CDH13: variants seen among roughly 807,000 people sequenced by gnomAD.
CDH13 encodes cadherin-13.
In CDH13, 24 loss-of-function variants were observed where a neutral mutation model predicts 63.8. That is an observed-to-expected ratio of 0.38 (90% CI 0.27 to 0.53). CDH13 has a LOEUF of 0.53. Ranked by LOEUF, CDH13 falls within the 20% of genes least tolerant of loss-of-function variation. The probability of loss-of-function intolerance (pLI) is 0.85; values close to 1 mark genes in which losing one functional copy is unlikely to be tolerated. For missense variants in CDH13, 1,049 were observed against 903.1 expected (o/e 1.16, Z -2.07); for synonymous variants, 503 against 355.3 (o/e 1.42, Z -4.67).
intron 10 of CDH13, among the ~76,000 whole-genome samples, chr16:83,709,771 T>A (rs1444450809): frequency 6.6e-6 from 1 of 152,250 alleles, no homozygotes; most frequent in South Asian, 2.1e-4. Context: ...TCATCCTGTG[T>A]AATAGGGTCT....
At chr16:82,710,865 C>G (rs2031885709) in intron 1 of CDH13, among the ~76,000 whole-genome samples, 1 of 150,730 alleles carries the variant, frequency 6.6e-6, no homozygotes, top group Admixed American at 6.6e-5. Context: ...ATTTCAGAAT[C>G]AAACAGCCCA....
At chr16:83,187,813 T>G (rs2038572782) in intron 4 of CDH13, among the ~76,000 whole-genome samples, 1 of 152,034 alleles carries the variant, frequency 6.6e-6, no homozygotes, top group African/African-American at 2.4e-5. Flanking sequence ...GTTGCTATGA[T>G]AGGTCCTGAT....
intron 5 of CDH13, among the ~76,000 whole-genome samples, chr16:83,273,293 T>G (rs1337389900): frequency 1.3e-5 from 2 of 152,144 alleles, no homozygotes; most frequent in Non-Finnish European, 2.9e-5. Context: ...GTACTAAGCA[T>G]AATACCCAAT....
At chr16:83,340,564 C>T (rs1263268053) in intron 5 of CDH13, among the ~76,000 whole-genome samples, 2 of 152,184 alleles carry the variant, frequency 1.3e-5, no homozygotes, top group African/African-American at 4.8e-5. Context: ...CTCAGTACAA[C>T]ATCACTCAAA....
chr16:83,405,871 T>C (rs1399575401), intron 6 of CDH13, among the ~76,000 whole-genome samples: 1 of 98,702 alleles, frequency 1.0e-5, no homozygotes, highest in East Asian at 6.1e-4. Flanking sequence ...GGAGGAAATA[T>C]AGCTGCTTAG....
At chr16:83,747,172 G>T (rs1193760019) in intron 10 of CDH13, among the ~76,000 whole-genome samples, 1 of 152,164 alleles carries the variant, frequency 6.6e-6, no homozygotes, top group African/African-American at 2.4e-5. Context: ...TTGCCCTCGC[G>T]TAACCTACAT....
At chr16:83,206,155 C>T (rs1409952665) in intron 4 of CDH13, among the ~76,000 whole-genome samples, 4 of 152,230 alleles carry the variant, frequency 2.6e-5, no homozygotes, top group Admixed American at 1.3e-4. Flanking sequence ...GGAGGACTTT[C>T]GGCAGCTTTT....
intron 2 of CDH13, among the ~76,000 whole-genome samples, chr16:82,942,855 GT>G (rs1412113355): frequency 6.6e-6 from 1 of 152,176 alleles, no homozygotes; most frequent in East Asian, 1.9e-4. Context: ...TGCATTGCCT[GT>G]AGGTACAAAT....
intron 7 of CDH13, among the ~76,000 whole-genome samples, chr16:83,588,751 C>T (rs940236429): frequency 2.6e-5 from 4 of 152,230 alleles, no homozygotes; most frequent in African/African-American, 9.6e-5. Context: ...GTTGACATCA[C>T]ACTTCAAAGG....
chr16:83,384,906 G>A (rs764568461), intron 6 of CDH13, among the ~76,000 whole-genome samples: 1 of 152,180 alleles, frequency 6.6e-6, no homozygotes, highest in African/African-American at 2.4e-5. Flanking sequence ...CAACTTCTAG[G>A]AAAGTATTTT....
chr16:83,418,117 C>A (rs908286460), intron 6 of CDH13, among the ~76,000 whole-genome samples: 1 of 152,130 alleles, frequency 6.6e-6, no homozygotes, highest in South Asian at 2.1e-4. Flanking sequence ...TGTTCAAATG[C>A]TGATTTTGCT....
chr16:83,155,603 G>A (rs755023619), intron 4 of CDH13, among the ~76,000 whole-genome samples: 19 of 152,092 alleles, frequency 1.2e-4, no homozygotes, highest in Non-Finnish European at 2.5e-4. Context: ...TGCATGTTAG[G>A]CAACTCTAGT....
At chr16:82,995,708 C>T (rs76945488) in intron 2 of CDH13, among the ~76,000 whole-genome samples, 2,911 of 152,224 alleles carry the variant, frequency 0.019, 40 homozygotes, top group South Asian at 0.031. Context: ...GATACTTCTC[C>T]CCAGTTATAC....
At chr16:83,605,968 A>G (rs1337752834) in intron 8 of CDH13, among the ~76,000 whole-genome samples, 1 of 152,216 alleles carries the variant, frequency 6.6e-6, no homozygotes, top group Non-Finnish European at 1.5e-5. Context: ...GAGAGAGACC[A>G]AGAGAAACCT....
intron 7 of CDH13, among the ~76,000 whole-genome samples, chr16:83,521,090 A>T (rs2074822261): frequency 6.6e-6 from 1 of 152,218 alleles, no homozygotes; most frequent in Admixed American, 6.5e-5. Flanking sequence ...TTACTTCAGT[A>T]AACATATTTA....
intron 5 of CDH13, among the ~76,000 whole-genome samples, chr16:83,284,656 T>C (rs984779696): frequency 8.5e-5 from 13 of 152,222 alleles, no homozygotes; most frequent in African/African-American, 3.1e-4. Context: ...TGTTTAAATA[T>C]ATTACATAAC....
intron 5 of CDH13, among the ~76,000 whole-genome samples, chr16:83,234,104 G>T (rs765267501): frequency 6.6e-5 from 10 of 152,202 alleles, no homozygotes; most frequent in Non-Finnish European, 1.2e-4. Flanking sequence ...AGTAACTCTG[G>T]ATGAACCCCC....
intron 2 of CDH13, among the ~76,000 whole-genome samples, chr16:82,977,832 G>A (rs1378146453): frequency 6.6e-6 from 1 of 152,206 alleles, no homozygotes; most frequent in African/African-American, 2.4e-5. Context: ...ACAGGAAAAT[G>A]TGGGCAATTT....
chr16:83,571,727 C>T (rs1038537528), intron 7 of CDH13, among the ~76,000 whole-genome samples: 5 of 152,190 alleles, frequency 3.3e-5, no homozygotes, highest in African/African-American at 1.2e-4. Flanking sequence ...GTAATTCACC[C>T]CTCAATTACT....
Sources: gnomAD v4.1 joint callset for allele counts (sites outside exome capture counted in the v4.1 genomes callset) on GRCh38, gnomAD v4.1.1 for gene constraint, MANE v1.5 for transcripts, NCBI Gene and HGNC (gene_info 2026-07-23, HGNC 2026-07-21) for gene names.